The following TCEANC variants were observed in gnomAD, a reference collection of about 807,000 sequenced individuals.
TCEANC encodes the protein transcription elongation factor A N-terminal and central domain-containing protein.
Under a neutral mutation model 8.7 loss-of-function variants are expected in TCEANC, and 8 were observed. That is an observed-to-expected ratio of 0.92 (90% CI 0.54 to 1.65). The LOEUF (loss-of-function observed/expected upper bound fraction) is 1.65. Ranked by LOEUF, TCEANC falls within the 40% of genes most tolerant of loss-of-function variation. The pLI, the probability that TCEANC is intolerant of heterozygous loss-of-function variation, is 0.00. For missense variants in TCEANC, 255 were observed against 251.9 expected, an observed-to-expected ratio of 1.01 and a Z score of -0.08; for synonymous variants, 78 against 92.9, an observed-to-expected ratio of 0.84 and a Z score of 0.92.
intron 1 of TCEANC, among the ~76,000 whole-genome samples, chrX:13,661,741 A>T (rs2045967934): frequency 2.7e-5 from 3 of 112,609 alleles, no homozygotes; most frequent in Admixed American, 9.4e-5. Context: ...CACAGACATA[A>T]TCATTGAGCA....
chrX:13,663,344 A>G (rs1178485936), exon 2 of TCEANC: 3 of 1,196,540 alleles, frequency 2.5e-6, no homozygotes, highest in Admixed American at 4.6e-5. Flanking sequence ...TCTTGTATCC[A>G]GGAACATTAC....
intron 1 of TCEANC, among the ~76,000 whole-genome samples, chrX:13,661,726 A>G (rs2045967577): frequency 8.9e-6 from 1 of 112,678 alleles, no homozygotes; most frequent in Non-Finnish European, 1.9e-5. Flanking sequence ...CTAGGATGAA[A>G]TTCACACAGA....
chrX:13,657,368 A>G (rs2045931000), intron 1 of TCEANC, among the ~76,000 whole-genome samples: 1 of 112,373 alleles, frequency 8.9e-6, no homozygotes, highest in Non-Finnish European at 1.9e-5. Context: ...CCATTTAAAA[A>G]TCGTGTTTTT....
At chrX:13,662,366 C>T (rs994118791) in intron 1 of TCEANC, 135 bp from the exon 5 acceptor site, 26 of 531,764 alleles carry the variant, frequency 4.9e-5, no homozygotes, top group African/African-American at 4.7e-4. Flanking sequence ...TCTAGCGTGT[C>T]GCATACATTT....
upstream of TCEANC, among the ~76,000 whole-genome samples, chrX:13,654,518 G>A (rs115119100): frequency 0.043 from 4,850 of 112,669 alleles, 163 homozygotes; most frequent in African/African-American, 0.12. Flanking sequence ...ACCCCCTGCT[G>A]TAGAACAATG....
At chrX:13,658,036 A>C (rs1237311158) in intron 1 of TCEANC, among the ~76,000 whole-genome samples, 4 of 112,298 alleles carry the variant, frequency 3.6e-5, no homozygotes, top group Non-Finnish European at 7.5e-5. Context: ...TGAATAGAAG[A>C]AGCCAGATAC....
chrX:13,658,573 G>GATGTAC (rs201758603), intron 1 of TCEANC, among the ~76,000 whole-genome samples: 2 of 110,260 alleles, frequency 1.8e-5, no homozygotes, highest in Non-Finnish European at 3.8e-5. Flanking sequence ...ATACATTTAA[G>GATGTAC]ATACTGAAAA....
exon 2 of TCEANC, chrX:13,663,369 T>C (rs1407197102): frequency 1.3e-5 from 15 of 1,193,889 alleles, no homozygotes. Context: ...CCCAAGTAAT[T>C]GATGGCACAC....
exon 2 of TCEANC, chrX:13,662,669 G>C (rs1421602796): frequency 1.7e-6 from 2 of 1,210,059 alleles, no homozygotes; most frequent in Non-Finnish European, 2.2e-6. Context: ...GCTGTGTACA[G>C]AGTCCTCAAA....
At chrX:13,658,219 G>C (rs182325198) in intron 1 of TCEANC, among the ~76,000 whole-genome samples, 136 of 111,848 alleles carry the variant, frequency 1.2e-3, no homozygotes, top group African/African-American at 4.3e-3. Context: ...TGGTGGCACA[G>C]ATAAATCTTC....
chrX:13,654,680 A>G (rs185656831), upstream of TCEANC, among the ~76,000 whole-genome samples: 1 of 111,668 alleles, frequency 9.0e-6, no homozygotes, highest in East Asian at 2.8e-4. Flanking sequence ...CCCATTTTGT[A>G]GATGAGGAAA....
chrX:13,659,191 G>A (rs780256545), intron 1 of TCEANC, among the ~76,000 whole-genome samples: 9 of 112,357 alleles, frequency 8.0e-5, no homozygotes, highest in Admixed American at 2.8e-4. Flanking sequence ...AGCCCTCCCC[G>A]ACTCGTTGAA....
chrX:13,658,090 G>A (rs183389302), intron 1 of TCEANC, among the ~76,000 whole-genome samples: 27 of 111,690 alleles, frequency 2.4e-4, no homozygotes, highest in Middle Eastern at 9.1e-3. Flanking sequence ...GAAATGTCCA[G>A]ACAGCAAATC....
chrX:13,659,628 CTTTTTT>C lies in TCEANC; in HGVS notation c.-8-2860_-8-2855del, dbSNP rs148168000. The C allele has an allele frequency of 2.4e-5, 2 of 84,048 alleles. No individual in the cohort carries two copies. Among genetic ancestry groups the C allele is most frequent in the Non-Finnish European group, 2.3e-5 (1 of 42,904 alleles). 6.9% of individuals were successfully genotyped at this position (84,048 alleles called of 1,213,427 possible). ...AACATAAAATTTACTGTGTTAAGCCCTTTTTTTTTTTTTTTTTTGACAGAGTCTCGC... is the reference window on the plus strand; with the variant it reads ...AACATAAAATTTACTGTGTTAAGCCCTTTTTTTTTTTTGACAGAGTCTCGC... On this transcript the variant is annotated intron_variant, in intron 1 of 1. Coordinates refer to ENST00000380600, the Ensembl canonical transcript of TCEANC.
At chrX:13,658,901 A>G (rs919472401) in intron 1 of TCEANC, among the ~76,000 whole-genome samples, 4 of 112,342 alleles carry the variant, frequency 3.6e-5, no homozygotes, top group Non-Finnish European at 7.5e-5. Flanking sequence ...AAGGGCCATC[A>G]ATTCAGGATC....
At chrX:13,655,237 T>C (rs1416831979), upstream of TCEANC, 1 of 112,303 alleles carries the variant, frequency 8.9e-6, no homozygotes, top group Non-Finnish European at 1.9e-5. Context: ...TTACTGTTTT[T>C]AGCAGGTTTC....
intron 1 of TCEANC, among the ~76,000 whole-genome samples, chrX:13,657,637 G>C (rs371131240): frequency 1.8e-5 from 2 of 109,657 alleles, no homozygotes; most frequent in East Asian, 5.7e-4. Flanking sequence ...ATGAAACCCT[G>C]TCTCTACTAA....
chrX:13,665,142 C>T (rs2046005957), exon 2 of TCEANC: 1 of 124,042 alleles, frequency 8.1e-6, no homozygotes, highest in Non-Finnish European at 1.9e-5. Context: ...CCCAGGGCTG[C>T]TTTTTGTGAT....
At chrX:13,662,362 G>A in intron 1 of TCEANC, 139 bp from the exon 5 acceptor site, 2 of 518,350 alleles carry the variant, frequency 3.9e-6, no homozygotes, top group Non-Finnish European at 6.4e-6. Flanking sequence ...ATTTTCTAGC[G>A]TGTCGCATAC....
Sources: allele counts gnomAD v4.1 joint callset (sites outside exome capture counted in the v4.1 genomes callset), GRCh38; gene constraint gnomAD v4.1.1; transcripts MANE v1.5; gene names NCBI Gene and HGNC (gene_info 2026-07-23, HGNC 2026-07-21).